The following PCDHGA1 variants were observed in gnomAD, a reference collection of about 807,000 sequenced individuals.
PCDHGA1 encodes the protein protocadherin gamma subfamily A, 1, also known as protocadherin gamma-A1.
A neutral mutation model predicts 58.0 loss-of-function variants in PCDHGA1; 32 were observed. That is an observed-to-expected ratio of 0.55 (90% confidence interval 0.42 to 0.74). PCDHGA1 has a LOEUF of 0.74. Ranked by LOEUF, PCDHGA1 falls within the 30% of genes least tolerant of loss-of-function variation. The pLI, the probability that PCDHGA1 is intolerant of heterozygous loss-of-function variation, is 0.00. For missense variants in PCDHGA1, 1,205 were observed against 1,182.3 expected, an observed-to-expected ratio of 1.02 and a Z score of -0.28; for synonymous variants, 498 against 501.1, an observed-to-expected ratio of 0.99 and a Z score of 0.08.
At chr5:141,436,738 G>T (rs1207400781) in intron 1 of PCDHGA1, among the ~76,000 whole-genome samples, 2 of 152,306 alleles carry the variant, frequency 1.3e-5, no homozygotes, top group South Asian at 2.1e-4. Context: ...AATGATTTTT[G>T]TGTGCTTCTC....
Position 141,415,114 on chromosome 5 carries a change from G to A in PCDHGA1, c.2422-79693G>A, listed in dbSNP as rs186848544. On this transcript the variant is annotated intron_variant, in intron 1 of 3. Transcript: ENST00000517417. Reference sequence around the variant, plus strand: ...CAGAGACGCGCTCAAGCAAAGCCTCGTAGTGGCCGTCCAGGACCACGGCCA... The same window carrying A: ...CAGAGACGCGCTCAAGCAAAGCCTCATAGTGGCCGTCCAGGACCACGGCCA... 1.7e-5 allele frequency: 28 copies of A among 1,613,646 alleles called. No homozygotes were observed. In the African/African-American group the frequency reaches 2.7e-4, roughly 15 times the overall value.
chr5:141,410,827 A>G lies in PCDHGA1; in HGVS notation c.2421+77722A>G. The G allele has an allele frequency of 1.4e-5, 6 of 440,972 alleles. No individual in the cohort carries two copies. The South Asian group carries it at 2.4e-4, about 18-fold the overall frequency. 27.3% of individuals were successfully genotyped at this position (440,972 alleles called of 1,614,324 possible). The stretch of plus-strand genomic sequence containing the variant: ...TCTTTTTGTAAAATAATGTCACCAG[A>G]CTGAAGATATTTTGTCTTTGTCTTT... On this transcript the variant is annotated intron_variant, in intron 1 of 3. Transcript: ENST00000517417.
intron 1 of PCDHGA1, among the ~76,000 whole-genome samples, chr5:141,464,625 T>C (rs1477206347): frequency 6.6e-6 from 1 of 152,190 alleles, no homozygotes; most frequent in East Asian, 1.9e-4. Context: ...TGTCAAGCTT[T>C]TTAATTGTTG....
At chr5:141,380,313 G>A (rs535275197) in intron 1 of PCDHGA1, among the ~76,000 whole-genome samples, 53 of 152,244 alleles carry the variant, frequency 3.5e-4, no homozygotes, top group Non-Finnish European at 5.4e-4. Flanking sequence ...GCTTGAGAAT[G>A]AAAATCTAAA....
rs751214480 is a variant in PCDHGA1, at chr5:141,485,161, G to A, written c.2422-9646G>A. ...CGTCTCAGGAGCAAGTAGAGAATTA[G>A]CGGGCGGCAGCAATGCTCCGCAAGG... On this transcript the variant is annotated intron_variant, in intron 1 of 3. Transcript: ENST00000517417. The surrounding 1 kb of genome is among the most constrained non-coding windows in gnomAD (Gnocchi z 5.7). The A allele has an allele frequency of 8.1e-6, 13 of 1,603,712 alleles. No individual in the cohort carries two copies. The Admixed American group carries it at 2.0e-4, about 25-fold the overall frequency.
At chr5:141,408,882 ACATAGAAATTTCTGTCAAG>A (rs745313321) in intron 1 of PCDHGA1, 50 of 1,613,286 alleles carry the variant, frequency 3.1e-5, no homozygotes, top group Non-Finnish European at 4.1e-5. Context: ...GCCACCGCTC[ACATAGAAATTTCTGTCAAG>A]GATACCAATG....
At chr5:141,389,988 C>T (rs1348283803) in intron 1 of PCDHGA1, 7 of 1,613,918 alleles carry the variant, frequency 4.3e-6, no homozygotes, top group Non-Finnish European at 5.9e-6. Context: ...AGTGCTCTTC[C>T]TCGTGGCCAT....
chr5:141,356,151 A>G, intron 1 of PCDHGA1: 1 of 1,613,466 alleles, frequency 6.2e-7, no homozygotes, highest in Non-Finnish European at 8.5e-7. Flanking sequence ...TCTATGACAT[A>G]GATGTAGAAG....
intron 1 of PCDHGA1, chr5:141,339,359 GC>G: frequency 6.2e-7 from 1 of 1,614,180 alleles, no homozygotes. Context: ...TAACGATAAT[GC>G]CCCTCGCTTT....
At chr5:141,354,320 C>G (rs1264680907) in intron 1 of PCDHGA1, among the ~76,000 whole-genome samples, 1 of 152,172 alleles carries the variant, frequency 6.6e-6, no homozygotes, top group African/African-American at 2.4e-5. Flanking sequence ...AATTACTACT[C>G]TATGAAAGGT....
chr5:141,421,960 CA>C, intron 1 of PCDHGA1: 1 of 1,612,526 alleles, frequency 6.2e-7, no homozygotes, highest in Admixed American at 1.7e-5. Flanking sequence ...AATGTTTACA[CA>C]GTCCGTATAT....
intron 1 of PCDHGA1, chr5:141,355,319 A>G: frequency 6.2e-7 from 1 of 1,613,976 alleles, no homozygotes; most frequent in African/African-American, 1.3e-5. Context: ...GAGGAGCAGG[A>G]AGAAGGCTCA....
At chr5:141,337,424 G>A (rs1179744878) in intron 1 of PCDHGA1, among the ~76,000 whole-genome samples, 2 of 152,154 alleles carry the variant, frequency 1.3e-5, no homozygotes, top group African/African-American at 2.4e-5. Flanking sequence ...CACATACAAT[G>A]GGCTGTTATT....
At chr5:141,502,191 A>G (rs2099813218) in intron 2 of PCDHGA1, among the ~76,000 whole-genome samples, 1 of 152,170 alleles carries the variant, frequency 6.6e-6, no homozygotes, top group Non-Finnish European at 1.5e-5. Flanking sequence ...TAATACAATA[A>G]TATAGAATCC....
At chr5:141,434,489 C>T (rs921000136) in intron 1 of PCDHGA1, among the ~76,000 whole-genome samples, 4 of 152,158 alleles carry the variant, frequency 2.6e-5, no homozygotes, top group Non-Finnish European at 4.4e-5. Flanking sequence ...ACACCTGGCC[C>T]GCCCAGGGCA....
chr5:141,510,949 G>C lies in PCDHGA1; in HGVS notation c.2572G>C (p.Ala858Pro), dbSNP rs762789865. The C allele has an allele frequency of 2.2e-5, 36 of 1,614,012 alleles. No homozygotes were observed. The highest frequency in any genetic ancestry group is 3.0e-5 in the Non-Finnish European group (35 of 1,180,020). ...CTGATCTTCCTCTGTCTCTGCAGAA[G>C]CTGCTGATGGGAGCTCCACCCTGGG... ...QAMILASASE[A>P]ADGSSTLGGG... is the part of the protein sequence containing the mutation. The change falls in exon 4 of 4, where the codon GCT (alanine) becomes CCT (proline). Residue 858 changes from alanine (A) to proline (P), a missense_variant and splice_region_variant. Coordinates refer to ENST00000517417, the MANE Select transcript of PCDHGA1 (RefSeq NM_018912.3).
intron 1 of PCDHGA1, chr5:141,388,337 A>G (rs1256150334): frequency 6.2e-7 from 1 of 1,613,990 alleles, no homozygotes; most frequent in Non-Finnish European, 8.5e-7. Context: ...CTGGCACACG[A>G]TTTATATTAG....
chr5:141,340,991 G>A (rs779173739), intron 1 of PCDHGA1: 33 of 1,614,112 alleles, frequency 2.0e-5, no homozygotes, highest in Non-Finnish European at 2.6e-5. Context: ...CATCCTGGCC[G>A]ACCTGGGCAG....
chr5:141,398,787 A>G, intron 1 of PCDHGA1: 2 of 1,613,902 alleles, frequency 1.2e-6, no homozygotes, highest in Non-Finnish European at 1.7e-6. Flanking sequence ...GTGGACATCC[A>G]CCCCTAAGCG....
Sources: gnomAD v4.1 joint callset for allele counts (sites outside exome capture counted in the v4.1 genomes callset) on GRCh38, gnomAD v4.1.1 for gene constraint, Gnocchi (gnomAD v3.1) non-coding constraint, MANE v1.5 for transcripts, NCBI Gene and HGNC (gene_info 2026-07-23, HGNC 2026-07-21) for gene names.